Variants in NAALADL2 observed in about 807,000 individuals in gnomAD.
NAALADL2 encodes N-acetylated alpha-linked acidic dipeptidase like 2.
In NAALADL2, 76 loss-of-function variants were observed where a neutral mutation model predicts 87.2. The observed-to-expected ratio is 0.87, with a 90% CI of 0.72 to 1.05. The LOEUF is 1.05. Ranked by LOEUF, NAALADL2 falls within the 50% of genes least tolerant of loss-of-function variation. The pLI, the probability that NAALADL2 is intolerant of heterozygous loss-of-function variation, is 0.00. For missense variants in NAALADL2, 1,089 were observed against 945.8 expected (o/e 1.15, Z -1.99); for synonymous variants, 354 against 331.0 (o/e 1.07, Z -0.75).
intron 13 of NAALADL2, among the ~76,000 whole-genome samples, chr3:175,788,330 G>A (rs529586308): frequency 5.3e-5 from 8 of 152,018 alleles, no homozygotes; most frequent in Non-Finnish European, 1.0e-4. Flanking sequence ...GAGCTCAAAC[G>A]ATCCACCACC....
intron 3 of NAALADL2, among the ~76,000 whole-genome samples, chr3:174,836,102 A>G (rs573941749): frequency 2.0e-5 from 3 of 152,322 alleles, no homozygotes; most frequent in South Asian, 4.1e-4. Flanking sequence ...CCAAAAGTCT[A>G]TTGATGGATG....
intron 9 of NAALADL2, among the ~76,000 whole-genome samples, chr3:175,482,664 A>G (rs4894487): frequency 0.6 from 91,534 of 151,700 alleles, 29,676 homozygotes; most frequent in East Asian, 0.89. Flanking sequence ...ATTCATGTCT[A>G]TGTTTTCTCT....
At chr3:175,626,739 T>A (rs1384594106) in intron 10 of NAALADL2, among the ~76,000 whole-genome samples, 1 of 151,922 alleles carries the variant, frequency 6.6e-6, no homozygotes, top group Non-Finnish European at 1.5e-5. Context: ...AACATCTTCA[T>A]GAGTTTTGCT....
At chr3:174,574,675 ATTAAG>A (rs1715328395) in intron 2 of NAALADL2, among the ~76,000 whole-genome samples, 1 of 152,134 alleles carries the variant, frequency 6.6e-6, no homozygotes, top group South Asian at 2.1e-4. Flanking sequence ...TCCTCACTTC[ATTAAG>A]TTTTCTTGTT....
chr3:174,821,632 A>C (rs576265229), intron 3 of NAALADL2, among the ~76,000 whole-genome samples: 1 of 152,328 alleles, frequency 6.6e-6, no homozygotes, highest in African/African-American at 2.4e-5. Context: ...GCAATTACAC[A>C]GAGTTCTGAC....
chr3:175,688,920 T>A (rs1300290192), intron 11 of NAALADL2, among the ~76,000 whole-genome samples: 2 of 152,184 alleles, frequency 1.3e-5, no homozygotes, highest in East Asian at 3.9e-4. Flanking sequence ...TCCTTCAGAA[T>A]CTGCAATGCT....
At chr3:174,903,342 G>T (rs1732534132) in intron 1 of NAALADL2, among the ~76,000 whole-genome samples, 1 of 152,058 alleles carries the variant, frequency 6.6e-6, no homozygotes, top group African/African-American at 2.4e-5. Flanking sequence ...CAAAATGCTT[G>T]TATGCACATT....
chr3:175,494,049 A>T (rs2149351793), intron 9 of NAALADL2, among the ~76,000 whole-genome samples: 1 of 152,106 alleles, frequency 6.6e-6, no homozygotes, highest in South Asian at 2.1e-4. Flanking sequence ...TACAAATTTT[A>T]AAATGAAGAG....
At chr3:175,707,028 T>G (rs1739817747) in intron 11 of NAALADL2, among the ~76,000 whole-genome samples, 1 of 152,190 alleles carries the variant, frequency 6.6e-6, no homozygotes. Context: ...TAGTTTTTTA[T>G]TGGCCAGAAA....
At chr3:175,567,589 A>G (rs1717380708) in intron 9 of NAALADL2, among the ~76,000 whole-genome samples, 1 of 152,190 alleles carries the variant, frequency 6.6e-6, no homozygotes, top group Non-Finnish European at 1.5e-5. Context: ...AAGATTAGCA[A>G]TTTTTCACTA....
At chr3:175,142,616 T>TA (rs1730165860) in intron 2 of NAALADL2, among the ~76,000 whole-genome samples, 1 of 151,864 alleles carries the variant, frequency 6.6e-6, no homozygotes, top group Non-Finnish European at 1.5e-5. Flanking sequence ...ACTTTTTTTT[T>TA]TAAAACATAG....
intron 9 of NAALADL2, among the ~76,000 whole-genome samples, chr3:175,496,945 C>T (rs1728901613): frequency 6.6e-6 from 1 of 152,064 alleles, no homozygotes; most frequent in African/African-American, 2.4e-5. Flanking sequence ...TACTCCTTAT[C>T]ACATAAATAT....
chr3:175,712,543 A>G (rs1740672697), intron 11 of NAALADL2, among the ~76,000 whole-genome samples: 1 of 152,074 alleles, frequency 6.6e-6, no homozygotes, highest in African/African-American at 2.4e-5. Context: ...TAACTGTAAT[A>G]AAGGAAAAAG....
rs1168931202 is a variant in NAALADL2, at chr3:175,097,079, A to C, written c.333A>C (p.Thr111=). The C allele has an allele frequency of 3.1e-6, 5 of 1,613,752 alleles. No homozygotes were observed. Among genetic ancestry groups the C allele is most frequent in the Non-Finnish European group, 4.2e-6 (5 of 1,179,714 alleles). Residue 111 remains threonine (T), a synonymous_variant, in exon 2 of 14, where the codon ACA becomes ACC. Coordinates refer to ENST00000454872, the MANE Select transcript of NAALADL2 (RefSeq NM_207015.3). ...AATCTGACTACATTACCCATTATACACGATCTGCACCAAAGAGCAATCGCT... is the reference window on the plus strand; with the variant it reads ...AATCTGACTACATTACCCATTATACCCGATCTGCACCAAAGAGCAATCGCT... ...QEESDYITHY[T]RSAPKSNRCN...
chr3:175,185,986 C>T lies in NAALADL2; in HGVS notation c.546-47945C>T, dbSNP rs971428379. On this transcript the variant is annotated intron_variant, in intron 2 of 13. Transcript: ENST00000454872. ...TATTTATTGGGTAAAATTTCAGTATCAAATTTTGGAAAAGTCATCCAGTAT... is the reference window on the plus strand; with the variant it reads ...TATTTATTGGGTAAAATTTCAGTATTAAATTTTGGAAAAGTCATCCAGTAT... 3.3e-5 allele frequency among the ~76,000 whole-genome samples: 5 copies of T among 151,824 alleles called. No homozygotes were observed. In the South Asian group the frequency reaches 1.0e-3, roughly 32 times the overall value.
At chr3:175,055,033 C>T (rs563868170) in intron 1 of NAALADL2, among the ~76,000 whole-genome samples, 5 of 152,320 alleles carry the variant, frequency 3.3e-5, no homozygotes, top group South Asian at 4.1e-4. Flanking sequence ...ATTGGCCACA[C>T]GGATAGCCAG....
chr3:174,978,279 AG>A (rs1176685293), intron 1 of NAALADL2, among the ~76,000 whole-genome samples: 1 of 152,178 alleles, frequency 6.6e-6, no homozygotes, highest in Non-Finnish European at 1.5e-5. Context: ...CTTTCTCTTC[AG>A]TGTACATATG....
At chr3:174,667,588 T>C (rs1726095568) in intron 2 of NAALADL2, among the ~76,000 whole-genome samples, 1 of 16,550 alleles carries the variant, frequency 6.0e-5, no homozygotes, top group African/African-American at 1.8e-4. Flanking sequence ...GTTGTAATGT[T>C]GTCTCTCAAG....
chr3:175,453,492 C>G (rs1022656311), intron 6 of NAALADL2, among the ~76,000 whole-genome samples: 3 of 152,146 alleles, frequency 2.0e-5, no homozygotes, highest in Non-Finnish European at 4.4e-5. Flanking sequence ...TATTCTCCAC[C>G]AAAAGCTCTT....
Sources: gnomAD v4.1 joint callset for allele counts (sites outside exome capture counted in the v4.1 genomes callset) on GRCh38, gnomAD v4.1.1 for gene constraint, MANE v1.5 for transcripts, NCBI Gene and HGNC (gene_info 2026-07-23, HGNC 2026-07-21) for gene names.